IL1RAPL1: variants seen among roughly 807,000 people sequenced by gnomAD.
The protein encoded by IL1RAPL1 is interleukin 1 receptor accessory protein like 1, also known as interleukin-1 receptor accessory protein-like 1.
A neutral mutation model predicts 48.4 loss-of-function variants in IL1RAPL1; 3 were observed. The ratio of observed to expected loss-of-function variants is 0.06; its 90% CI spans 0.03 to 0.16. IL1RAPL1 has a LOEUF of 0.16. IL1RAPL1 is among the 10% of genes least tolerant of loss of function. The probability of loss-of-function intolerance (pLI) is 1.00; values close to 1 mark genes in which losing one functional copy is unlikely to be tolerated. For synonymous variants in IL1RAPL1, 185 were observed against 187.7 expected (o/e 0.99, Z 0.12); for missense variants, 349 against 530.6 (o/e 0.66, Z 3.36).
intron 2 of IL1RAPL1, among the ~76,000 whole-genome samples, chrX:28,890,722 C>T (rs1680960): frequency 0.33 from 36,147 of 110,427 alleles, 4,369 homozygotes; most frequent in Admixed American, 0.42. Flanking sequence ...AATAAAGTCC[C>T]TCATAGGAGA....
intron 5 of IL1RAPL1, among the ~76,000 whole-genome samples, chrX:29,644,804 C>G (rs964407425): frequency 8.9e-6 from 1 of 112,357 alleles, no homozygotes; most frequent in Admixed American, 9.4e-5. Context: ...TGACCTCAAG[C>G]AATCCTTCTG....
At chrX:28,721,315 G>A (rs1394148223) in intron 1 of IL1RAPL1, among the ~76,000 whole-genome samples, 2 of 111,738 alleles carry the variant, frequency 1.8e-5, no homozygotes, top group South Asian at 7.5e-4. Context: ...ATCTCATTGT[G>A]GTTTTGATTT....
chrX:29,506,247 A>G (rs760065005), intron 5 of IL1RAPL1, among the ~76,000 whole-genome samples: 3 of 111,568 alleles, frequency 2.7e-5, no homozygotes, highest in Non-Finnish European at 5.7e-5. Flanking sequence ...GGTTCCTTGC[A>G]TTGTCCATTT....
intron 5 of IL1RAPL1, among the ~76,000 whole-genome samples, chrX:29,495,844 A>ACTGTCT (rs924452751): frequency 7.3e-5 from 8 of 109,687 alleles, no homozygotes; most frequent in African/African-American, 2.7e-4. Flanking sequence ...CTCCATCCCT[A>ACTGTCT]CTGTCTCTGT....
At chrX:29,885,930 G>C (rs964568251) in intron 6 of IL1RAPL1, among the ~76,000 whole-genome samples, 2 of 112,166 alleles carry the variant, frequency 1.8e-5, no homozygotes, top group East Asian at 5.6e-4. Flanking sequence ...TAATTTGAAG[G>C]AGATTTTTTA....
chrX:28,627,907 T>A (rs757421574), intron 1 of IL1RAPL1, among the ~76,000 whole-genome samples: 2 of 111,056 alleles, frequency 1.8e-5, no homozygotes, highest in Non-Finnish European at 3.8e-5. Context: ...TTTTAAGCAA[T>A]CCTCTTTCAG....
At position 29,249,160 on chromosome X, in the gene IL1RAPL1, C is replaced by T. The variant is rs760536129; in HGVS notation, c.83-33778C>T. Among the ~76,000 whole-genome samples, 5 of 111,263 alleles carry T rather than the reference C, an allele frequency of 4.5e-5. No homozygotes were observed. The South Asian group carries it at 1.9e-3, about 42-fold the overall frequency. On this transcript the variant is annotated intron_variant, in intron 2 of 10. Coordinates refer to ENST00000378993, the MANE Select transcript of IL1RAPL1 (RefSeq NM_014271.4). Reference sequence around the variant, plus strand: ...GGGATTGTCTCTAGGGAGGGGAACTCGGCTGGGGAGATTGGAGTGGGACAA... The same window carrying T: ...GGGATTGTCTCTAGGGAGGGGAACTTGGCTGGGGAGATTGGAGTGGGACAA...
At chrX:28,641,987 G>A (rs749444671) in intron 1 of IL1RAPL1, among the ~76,000 whole-genome samples, 1 of 111,515 alleles carries the variant, frequency 9.0e-6, no homozygotes, top group South Asian at 3.8e-4. Flanking sequence ...CAAATGGAAA[G>A]CAAAAAAGAG....
chrX:29,515,587 A>G (rs1935436794), intron 5 of IL1RAPL1, among the ~76,000 whole-genome samples: 1 of 112,011 alleles, frequency 8.9e-6, no homozygotes, highest in Non-Finnish European at 1.9e-5. Context: ...GTTCCTCTTT[A>G]TTGTTGGTAG....
chrX:29,334,069 G>A (rs1932934430), intron 3 of IL1RAPL1, among the ~76,000 whole-genome samples: 1 of 86,759 alleles, frequency 1.2e-5, no homozygotes, highest in African/African-American at 4.7e-5. Flanking sequence ...GGCCGGGCGG[G>A]GGGCTGACCG....
intron 5 of IL1RAPL1, among the ~76,000 whole-genome samples, chrX:29,667,647 A>T (rs1223057851): frequency 2.7e-5 from 3 of 111,914 alleles, no homozygotes; most frequent in Non-Finnish European, 5.6e-5. Context: ...GCTAGGAATG[A>T]AGTATGCAAT....
At chrX:29,273,959 A>G (rs1932081042) in intron 2 of IL1RAPL1, among the ~76,000 whole-genome samples, 1 of 111,991 alleles carries the variant, frequency 8.9e-6, no homozygotes, top group Admixed American at 9.5e-5. Context: ...TATGCCTTAA[A>G]CATATACAAT....
At chrX:29,027,953 TTA>T (rs1286730963) in intron 2 of IL1RAPL1, among the ~76,000 whole-genome samples, 3 of 109,280 alleles carry the variant, frequency 2.7e-5, no homozygotes, top group African/African-American at 1.0e-4. Context: ...TGTGTGTATA[TTA>T]TATATATATA....
At chrX:29,823,502 C>G (rs1038170275) in intron 6 of IL1RAPL1, among the ~76,000 whole-genome samples, 1 of 112,200 alleles carries the variant, frequency 8.9e-6, no homozygotes, top group Non-Finnish European at 1.9e-5. Context: ...GTTGAGAAGA[C>G]TAGACTATTC....
chrX:29,629,172 C>T (rs1465290732), intron 5 of IL1RAPL1, among the ~76,000 whole-genome samples: 1 of 111,749 alleles, frequency 8.9e-6, no homozygotes, highest in Non-Finnish European at 1.9e-5. Flanking sequence ...CAATTGTCTT[C>T]AATCAAATAA....
chrX:29,793,947 A>G (rs1929689520), intron 6 of IL1RAPL1, among the ~76,000 whole-genome samples: 1 of 111,973 alleles, frequency 8.9e-6, no homozygotes, highest in Admixed American at 9.6e-5. Context: ...CAATCTGTGG[A>G]TTAGCTAACA....
intron 6 of IL1RAPL1, among the ~76,000 whole-genome samples, chrX:29,906,497 A>T (rs1473646783): frequency 5.1e-4 from 23 of 44,837 alleles, no homozygotes; most frequent in African/African-American, 9.4e-4. Flanking sequence ...ATATATATAT[A>T]TATATATATA....
At chrX:28,861,068 G>T (rs972520839) in intron 2 of IL1RAPL1, among the ~76,000 whole-genome samples, 4 of 110,776 alleles carry the variant, frequency 3.6e-5, no homozygotes, top group Non-Finnish European at 7.6e-5. Flanking sequence ...TGAAAAAATA[G>T]ATTTCATCCA....
intron 5 of IL1RAPL1, among the ~76,000 whole-genome samples, chrX:29,507,787 A>T (rs1326691918): frequency 1.8e-5 from 2 of 111,284 alleles, no homozygotes; most frequent in East Asian, 5.8e-4. Context: ...CATGAGGAAT[A>T]AGTAGGATTT....
Sources: allele counts gnomAD v4.1 joint callset (sites outside exome capture counted in the v4.1 genomes callset), GRCh38; gene constraint gnomAD v4.1.1; transcripts MANE v1.5; gene names NCBI Gene and HGNC (gene_info 2026-07-23, HGNC 2026-07-21).